Variants in RANBP2 observed in about 807,000 individuals in gnomAD.
RANBP2 encodes the protein E3 SUMO-protein ligase RanBP2.
RANBP2 carries 57 observed loss-of-function variants against 303.6 expected under a neutral mutation model. The ratio of observed to expected loss-of-function variants is 0.19; its 90% CI spans 0.15 to 0.23. The LOEUF is 0.23. Among genes scored for constraint, RANBP2 ranks in the 10% least tolerant of loss-of-function variants. The pLI is 1.00. For synonymous variants in RANBP2, 1,167 were observed against 1,301.5 expected (o/e 0.90, Z 2.23); for missense variants, 3,138 against 3,780.8 (o/e 0.83, Z 4.46).
chr2:109,472,408 A>G, the RANBP2 span, among the ~76,000 whole-genome samples: 7 of 152,112 alleles, frequency 4.6e-5, no homozygotes, highest in Non-Finnish European at 1.5e-5. Flanking sequence ...CAGAAAGAGG[A>G]AATCCAAACC....
the RANBP2 span, among the ~76,000 whole-genome samples, chr2:109,145,785 T>G: frequency 6.6e-6 from 1 of 152,176 alleles, no homozygotes; most frequent in African/African-American, 2.4e-5. Context: ...TATTGGTTTG[T>G]TGGTTGGCAT....
the RANBP2 span, among the ~76,000 whole-genome samples, chr2:109,233,009 C>A: frequency 6.6e-6 from 1 of 152,186 alleles, no homozygotes; most frequent in Non-Finnish European, 1.5e-5. Context: ...ACCATGTGCT[C>A]AAACCCCTTG....
chr2:108,781,480 A>G, intron 26 of RANBP2, 51 bp downstream of exon 26: 1 of 1,571,930 alleles, frequency 6.4e-7, no homozygotes, highest in East Asian at 2.2e-5. Context: ...TTCATTTTTA[A>G]GTTTTACCCT....
chr2:109,336,846 C>A, the RANBP2 span, among the ~76,000 whole-genome samples: 1 of 152,212 alleles, frequency 6.6e-6, no homozygotes, highest in Admixed American at 6.5e-5. Flanking sequence ...CCTGCTCCAA[C>A]CGTATCCGTC....
chr2:108,815,650 A>T, the RANBP2 span, among the ~76,000 whole-genome samples: 1 of 151,508 alleles, frequency 6.6e-6, no homozygotes, highest in Admixed American at 6.6e-5. Context: ...TTTAGTAAAG[A>T]CAGGTTTTGC....
chr2:109,739,275 A>G, the RANBP2 span, among the ~76,000 whole-genome samples: 1 of 143,800 alleles, frequency 7.0e-6, no homozygotes, highest in Middle Eastern at 3.4e-3. Context: ...ATTTATGTGA[A>G]GAATGTCTTT....
chr2:109,334,224 G>A, the RANBP2 span, among the ~76,000 whole-genome samples: 1 of 152,120 alleles, frequency 6.6e-6, no homozygotes, highest in Non-Finnish European at 1.5e-5. Context: ...CAGGTGTGGT[G>A]GCATGCACCT....
the RANBP2 span, among the ~76,000 whole-genome samples, chr2:109,199,617 T>TCAATCAAC: frequency 3.9e-3 from 1 of 258 alleles, no homozygotes; most frequent in Non-Finnish European, 8.5e-3. Context: ...TGGAATGGAA[T>TCAATCAAC]GGAATGGAAT....
chr2:109,166,831 A>G, the RANBP2 span, among the ~76,000 whole-genome samples: 31 of 152,360 alleles, frequency 2.0e-4, no homozygotes, highest in Admixed American at 1.8e-3. Flanking sequence ...GTATAAAACT[A>G]TAATCCCCCA....
the RANBP2 span, among the ~76,000 whole-genome samples, chr2:109,432,281 C>G: frequency 6.6e-6 from 1 of 152,194 alleles, no homozygotes; most frequent in Non-Finnish European, 1.5e-5. Context: ...CACCCCTCCC[C>G]TGCAGGCAGC....
the RANBP2 span, among the ~76,000 whole-genome samples, chr2:109,416,884 G>A: frequency 1.4e-5 from 2 of 145,312 alleles, no homozygotes; most frequent in Non-Finnish European, 3.0e-5. Flanking sequence ...CAGCCTGGGC[G>A]ACAGAGTGAG....
chr2:109,696,849 C>T, the RANBP2 span, among the ~76,000 whole-genome samples: 1 of 152,134 alleles, frequency 6.6e-6, no homozygotes, highest in Non-Finnish European at 1.5e-5. Flanking sequence ...ATGATCACAG[C>T]TCACTGCAAC....
chr2:109,088,587 A>C, the RANBP2 span, among the ~76,000 whole-genome samples: 1 of 151,906 alleles, frequency 6.6e-6, no homozygotes, highest in Non-Finnish European at 1.5e-5. Flanking sequence ...ATCTTGGCTC[A>C]CTGCAATCTC....
the RANBP2 span, among the ~76,000 whole-genome samples, chr2:108,872,653 G>A: frequency 0.73 from 110,699 of 151,972 alleles, 43,060 homozygotes; most frequent in East Asian, 0.95. Context: ...ACCTGGCAGA[G>A]GACAAGAGGG....
At chr2:109,203,383 T>C in the RANBP2 span, among the ~76,000 whole-genome samples, 1 of 152,210 alleles carries the variant, frequency 6.6e-6, no homozygotes, top group Non-Finnish European at 1.5e-5. Context: ...CGGATGGCCT[T>C]GGGAGGGTGT....
the RANBP2 span, among the ~76,000 whole-genome samples, chr2:108,973,315 C>T: frequency 1.3e-5 from 2 of 152,186 alleles, no homozygotes; most frequent in Non-Finnish European, 2.9e-5. Flanking sequence ...TGCCGCCTCC[C>T]TGCAAGTTGT....
At chr2:109,318,470 C>T in the RANBP2 span, among the ~76,000 whole-genome samples, 1 of 152,168 alleles carries the variant, frequency 6.6e-6, no homozygotes, top group Non-Finnish European at 1.5e-5. Flanking sequence ...TCGGCATACG[C>T]GTTTATCTGA....
chr2:108,848,146 T>A, the RANBP2 span, among the ~76,000 whole-genome samples: 1 of 152,200 alleles, frequency 6.6e-6, no homozygotes, highest in African/African-American at 2.4e-5. Flanking sequence ...TAAGAAAAAT[T>A]ATTAATCATT....
At chr2:109,286,604 G>A in the RANBP2 span, among the ~76,000 whole-genome samples, 1 of 152,182 alleles carries the variant, frequency 6.6e-6, no homozygotes, top group East Asian at 1.9e-4. Context: ...TTGGCACATG[G>A]TGAGGGGAGC....
Sources: gnomAD v4.1 joint callset for allele counts (sites outside exome capture counted in the v4.1 genomes callset) on GRCh38, gnomAD v4.1.1 for gene constraint, MANE v1.5 for transcripts, NCBI Gene and HGNC (gene_info 2026-07-23, HGNC 2026-07-21) for gene names.